Variants in ANO2 observed in about 807,000 individuals in gnomAD.
ANO2 encodes the protein anoctamin-2.
In ANO2, 101 loss-of-function variants were observed where a neutral mutation model predicts 124.2. That is an observed-to-expected ratio of 0.81 (90% confidence interval 0.69 to 0.96). The LOEUF (loss-of-function observed/expected upper bound fraction) is 0.96, where lower values mean the gene tolerates loss of function less well. Ranked by LOEUF, ANO2 falls within the 40% of genes least tolerant of loss-of-function variation. The pLI is 0.00. For missense variants in ANO2, 1,293 were observed against 1,274.5 expected, an observed-to-expected ratio of 1.01 and a Z score of -0.22; for synonymous variants, 486 against 482.5, an observed-to-expected ratio of 1.01 and a Z score of -0.09.
At chr12:5,767,758 G>C (rs957566097) in intron 10 of ANO2, among the ~76,000 whole-genome samples, 3 of 152,184 alleles carry the variant, frequency 2.0e-5, no homozygotes, top group Admixed American at 1.3e-4. Context: ...TTATAAGGTA[G>C]CAGCTAGGTG....
chr12:5,887,246 T>C (rs1355811095), intron 3 of ANO2, among the ~76,000 whole-genome samples: 1 of 152,220 alleles, frequency 6.6e-6, no homozygotes, highest in Non-Finnish European at 1.5e-5. Flanking sequence ...ATACATTCAC[T>C]GGCCCCAAAC....
At chr12:5,749,516 T>C (rs1235870687) in intron 11 of ANO2, among the ~76,000 whole-genome samples, 2 of 152,232 alleles carry the variant, frequency 1.3e-5, no homozygotes, top group African/African-American at 2.4e-5. Flanking sequence ...AGGCAGGAGA[T>C]AAATGGAGTC....
intron 10 of ANO2, among the ~76,000 whole-genome samples, chr12:5,752,795 G>A (rs1471891696): frequency 2.0e-5 from 3 of 152,092 alleles, no homozygotes; most frequent in Non-Finnish European, 4.4e-5. Flanking sequence ...CAAGTCCAAT[G>A]TGTAGAAGCT....
At position 5,832,574 on chromosome 12, in the gene ANO2, A is replaced by C. The variant is rs753013911; in HGVS notation, c.663T>G (p.Ile221Met). 3 of 1,613,798 alleles carry C rather than the reference A, an allele frequency of 1.9e-6. No individual in the cohort carries two copies. The East Asian group carries it at 6.7e-5, about 36-fold the overall frequency. ...GCAGAGCCGCGCTGAACTTCTTTGC[A>C]ATGCTGCCTCCTGCTTTGATCTCGT... ...KMYEIKAGGS[I>M]AKKFSAALQK... Residue 221 changes from isoleucine to methionine, a missense_variant, in exon 5 of 25, where the codon ATT becomes ATG. Physicochemically the swap from Ile to Met is conservative, Grantham distance 10 (BLOSUM62 1). Transcript: ENST00000682330.
intron 14 of ANO2, among the ~76,000 whole-genome samples, chr12:5,681,095 C>T (rs1948469334): frequency 6.6e-6 from 1 of 152,196 alleles, no homozygotes; most frequent in Non-Finnish European, 1.5e-5. Context: ...ACAACCTGCA[C>T]ACAGGGATTT....
chr12:5,752,800 G>A (rs934622465), intron 10 of ANO2, among the ~76,000 whole-genome samples: 2 of 152,064 alleles, frequency 1.3e-5, no homozygotes, highest in African/African-American at 4.8e-5. Flanking sequence ...CCAATGTGTA[G>A]AAGCTTTTTT....
chr12:5,571,180 G>A (rs956047626), intron 23 of ANO2, among the ~76,000 whole-genome samples: 6 of 152,200 alleles, frequency 3.9e-5, no homozygotes, highest in Admixed American at 3.3e-4. Context: ...TAGGCTCTTC[G>A]AGCTCTGAGA....
intron 3 of ANO2, among the ~76,000 whole-genome samples, chr12:5,899,841 C>T (rs1768313719): frequency 2.6e-5 from 4 of 152,160 alleles, no homozygotes; most frequent in Admixed American, 2.6e-4. Context: ...TGCGTTTCTA[C>T]ATGGTTTGGG....
intron 14 of ANO2, among the ~76,000 whole-genome samples, chr12:5,711,230 A>G (rs2137039838): frequency 6.6e-6 from 1 of 152,006 alleles, no homozygotes; most frequent in Non-Finnish European, 1.5e-5. Context: ...TCATAGGGGC[A>G]GATCCCTCAG....
chr12:5,727,729 C>T (rs1009019025), intron 14 of ANO2, among the ~76,000 whole-genome samples: 1 of 151,096 alleles, frequency 6.6e-6, no homozygotes, highest in South Asian at 2.1e-4. Flanking sequence ...GCTCTGCCTC[C>T]CAGGTTCATG....
chr12:5,597,442 C>T lies in ANO2; in HGVS notation c.2233+2042G>A, dbSNP rs148535900. 2.9e-3 allele frequency among the ~76,000 whole-genome samples: 436 copies of T among 152,330 alleles called. 1 individual carries two copies. The highest frequency in any genetic ancestry group is 3.4e-3 in the Non-Finnish European group (232 of 68,042). On this transcript the variant is annotated intron_variant, in intron 20 of 24. Coordinates refer to ENST00000682330, the MANE Select transcript of ANO2 (RefSeq NM_001364791.2). ...AAGAACACGAACTCATTCTTTTTCA[C>T]GGCTGCATGGTAGTCCACAGTGTAC...
chr12:5,656,933 G>A (rs945100571), intron 14 of ANO2, among the ~76,000 whole-genome samples: 36 of 152,188 alleles, frequency 2.4e-4, no homozygotes, highest in African/African-American at 8.7e-4. Flanking sequence ...GATTTCCCAG[G>A]ACAGGGGACC....
At chr12:5,718,328 T>C (rs936203722) in intron 14 of ANO2, among the ~76,000 whole-genome samples, 6 of 152,252 alleles carry the variant, frequency 3.9e-5, no homozygotes, top group African/African-American at 1.4e-4. Context: ...AGGAAGTTTA[T>C]GGTCCTTCTG....
intron 13 of ANO2, among the ~76,000 whole-genome samples, chr12:5,737,636 C>T (rs12578500): frequency 1.3e-5 from 2 of 152,084 alleles, no homozygotes; most frequent in Admixed American, 6.5e-5. Context: ...ACGGCATTAG[C>T]GGAGTAGGCA....
chr12:5,612,507 C>G, intron 19 of ANO2, 149 bp downstream of exon 19: 1 of 674,302 alleles, frequency 1.5e-6, no homozygotes, highest in Non-Finnish European at 2.6e-6. Context: ...AAGTTTGCCC[C>G]ATGGGGAAAG....
At position 5,658,859 on chromosome 12, in the gene ANO2, TATCATCATC is replaced by T. The variant is rs1365418142; in HGVS notation, c.1546-11067_1546-11059del. On this transcript the variant is annotated intron_variant, in intron 14 of 24. Transcript: ENST00000682330. This position sits in a 1 kb window ranked among gnomAD's most constrained non-coding sequence, Gnocchi z 4.3. ...GCATCAATATTATCCTTGTCATCAATATCATCATCATCATCAACATCATTATCATCATTA... is the reference window on the plus strand; with the variant it reads ...GCATCAATATTATCCTTGTCATCAATATCATCAACATCATTATCATCATTA... Among the ~76,000 whole-genome samples the T allele has an allele frequency of 6.6e-6, 1 of 151,910 alleles. No individual in the cohort carries two copies. The highest frequency in any genetic ancestry group is 2.4e-5 in the African/African-American group (1 of 41,334).
intron 3 of ANO2, among the ~76,000 whole-genome samples, chr12:5,909,646 G>A (rs951011192): frequency 2.0e-5 from 3 of 152,222 alleles, no homozygotes; most frequent in African/African-American, 7.2e-5. Flanking sequence ...CTGTGCACAC[G>A]GAGAGGCAGC....
At chr12:5,712,930 C>T (rs1949868289) in intron 14 of ANO2, among the ~76,000 whole-genome samples, 1 of 152,044 alleles carries the variant, frequency 6.6e-6, no homozygotes, top group African/African-American at 2.4e-5. Flanking sequence ...AGAGGTGGGC[C>T]ACATAGAGCC....
At chr12:5,662,225 G>A (rs1448583090) in intron 14 of ANO2, among the ~76,000 whole-genome samples, 1 of 152,248 alleles carries the variant, frequency 6.6e-6, no homozygotes, top group African/African-American at 2.4e-5. Context: ...CACCAGAGAA[G>A]ACCTAGACCT....
Sources: allele counts gnomAD v4.1 joint callset (sites outside exome capture counted in the v4.1 genomes callset), GRCh38; gene constraint gnomAD v4.1.1; non-coding constraint Gnocchi (gnomAD v3.1); transcripts MANE v1.5; gene names NCBI Gene and HGNC (gene_info 2026-07-23, HGNC 2026-07-21).